Variants in DRAM1 observed in about 807,000 individuals in gnomAD.
The protein encoded by DRAM1 is DNA damage-regulated autophagy modulator protein 1.
In DRAM1, 25 loss-of-function variants were observed where a neutral mutation model predicts 28.5. That is an observed-to-expected ratio of 0.88 (90% CI 0.64 to 1.23). DRAM1 has a LOEUF of 1.23. DRAM1 is among the 50% of genes most tolerant of loss of function. DRAM1 has a pLI of 0.00. For missense variants in DRAM1, 249 were observed against 299.2 expected, an observed-to-expected ratio of 0.83 and a Z score of 1.24; for synonymous variants, 113 against 114.2, an observed-to-expected ratio of 0.99 and a Z score of 0.07.
chr12:101,879,548 TG>T (rs1430364825), intron 1 of DRAM1, among the ~76,000 whole-genome samples: 1 of 152,214 alleles, frequency 6.6e-6, no homozygotes, highest in Non-Finnish European at 1.5e-5. Context: ...CCCAGAGTGT[TG>T]GGATTACAGG....
At position 101,922,254 on chromosome 12, in the gene DRAM1, T is replaced by C. The variant is rs1316163463; in HGVS notation, c.*994T>C. The C allele has an allele frequency of 6.6e-6, 1 of 152,224 alleles. No homozygotes were observed. Among genetic ancestry groups the C allele is most frequent in the Non-Finnish European group, 1.5e-5 (1 of 68,040 alleles). 9.4% of individuals were successfully genotyped at this position (152,224 alleles called of 1,614,324 possible). A position where few individuals can be genotyped will look rare whatever the true frequency, so the allele number is the denominator to read the frequency against. ...CCCACAACACTATAAGAAATATAAGTCAAGCCCTTTGTGTTAAGCAAGAAC... is the reference window on the plus strand; with the variant it reads ...CCCACAACACTATAAGAAATATAAGCCAAGCCCTTTGTGTTAAGCAAGAAC... On this transcript the variant is annotated 3_prime_UTR_variant, in exon 7 of 7. Transcript: ENST00000258534.
At chr12:101,910,887 T>A (rs78231972) in intron 4 of DRAM1, among the ~76,000 whole-genome samples, 1 of 152,122 alleles carries the variant, frequency 6.6e-6, no homozygotes, top group Non-Finnish European at 1.5e-5. Flanking sequence ...CACGAAAAGA[T>A]CTTCTGTCTT....
chr12:101,884,553 A>G (rs916948074), intron 1 of DRAM1, among the ~76,000 whole-genome samples: 12 of 151,954 alleles, frequency 7.9e-5, no homozygotes, highest in African/African-American at 2.9e-4. Flanking sequence ...ATATTCTGTG[A>G]TCCTTTACTC....
chr12:101,916,692 A>G (rs1012485500), intron 5 of DRAM1, among the ~76,000 whole-genome samples: 5 of 152,210 alleles, frequency 3.3e-5, no homozygotes, highest in Admixed American at 3.3e-4. Flanking sequence ...GTGGAAGAAT[A>G]CCTCCAGCAA....
At chr12:101,889,536 G>GAAGGAAGGAAGA (rs1873023597) in intron 1 of DRAM1, among the ~76,000 whole-genome samples, 1 of 152,086 alleles carries the variant, frequency 6.6e-6, no homozygotes, top group Admixed American at 6.6e-5. Context: ...AGGAAGGAAG[G>GAAGGAAGGAAGA]AAAAGAAGGC....
chr12:101,892,174 G>A (rs1166708905), intron 1 of DRAM1, among the ~76,000 whole-genome samples: 1 of 151,590 alleles, frequency 6.6e-6, no homozygotes, highest in Non-Finnish European at 1.5e-5. Flanking sequence ...TATAAAATCA[G>A]ACGTGGAAAG....
intron 3 of DRAM1, among the ~76,000 whole-genome samples, chr12:101,905,644 C>A (rs1304371030): frequency 6.6e-6 from 1 of 152,004 alleles, no homozygotes; most frequent in East Asian, 1.9e-4. Context: ...GACTAGAGTG[C>A]AGTGGTGCTA....
In DRAM1 at chr12:101,877,748, C is replaced by T; in HGVS notation, c.-42C>T. 2 of 1,397,180 alleles carry T rather than the reference C, an allele frequency of 1.4e-6. No individual in the cohort carries two copies. The highest frequency in any genetic ancestry group is 1.6e-5 in the South Asian group (1 of 63,876). The allele number at this position is 1,397,180 out of a possible 1,614,324, so 86.5% of individuals were successfully genotyped here. The stretch of plus-strand genomic sequence containing the variant: ...CAGCCCGGAGCAACCCGGCGCCCGG[C>T]CCCGCTGGGCGCAGCACTCCGTCGG... On this transcript the variant is annotated 5_prime_UTR_variant, in exon 1 of 7. Transcript: ENST00000258534. This position sits in a 1 kb window ranked among gnomAD's most constrained non-coding sequence, Gnocchi z 4.1.
rs61082909 is a variant in DRAM1 at position 101,880,278 on chromosome 12, C to CTTTT, written c.131+2382_131+2385dup. ...ATCTTGCTGTGTCCTGCAATGCTTC[C>CTTTT]TTTTTTTTTTTTTTTTTTTTTTTTT... On this transcript the variant is annotated intron_variant, in intron 1 of 6. Coordinates refer to ENST00000258534, the MANE Select transcript of DRAM1 (RefSeq NM_018370.3). 2.6e-4 allele frequency among the ~76,000 whole-genome samples: 18 copies of CTTTT among 70,100 alleles called. 1 individual carries two copies. Among genetic ancestry groups the CTTTT allele is most frequent in the African/African-American group, 1.1e-3 (15 of 13,246 alleles). 46.0% of individuals were successfully genotyped at this position (70,100 alleles called of 152,430 possible).
intron 4 of DRAM1, among the ~76,000 whole-genome samples, chr12:101,909,470 A>G (rs1482743579): frequency 6.6e-6 from 1 of 152,158 alleles, no homozygotes; most frequent in Non-Finnish European, 1.5e-5. Flanking sequence ...GACACCAAAT[A>G]TTGATATTGT....
intron 1 of DRAM1, among the ~76,000 whole-genome samples, chr12:101,883,015 A>G (rs1872743990): frequency 6.6e-6 from 1 of 151,212 alleles, no homozygotes; most frequent in African/African-American, 2.4e-5. Flanking sequence ...GGATACTTCA[A>G]GTGAAAGCTC....
At chr12:101,899,379 T>A (rs1040390581) in intron 2 of DRAM1, among the ~76,000 whole-genome samples, 24 of 152,100 alleles carry the variant, frequency 1.6e-4, no homozygotes, top group African/African-American at 5.3e-4. Context: ...TTTGAAATAG[T>A]CTATGTGAGC....
chr12:101,903,956 CACACA>C (rs1873697463), intron 3 of DRAM1, among the ~76,000 whole-genome samples: 1 of 126,238 alleles, frequency 7.9e-6, no homozygotes, highest in African/African-American at 4.7e-5. Context: ...CACACACACA[CACACA>C]CCCCTATAAG....
At chr12:101,905,186 C>T (rs938024584) in intron 3 of DRAM1, among the ~76,000 whole-genome samples, 1 of 152,232 alleles carries the variant, frequency 6.6e-6, no homozygotes, top group Admixed American at 6.5e-5. Flanking sequence ...AAACACAAGC[C>T]ACCATACCCT....
chr12:101,885,313 T>C (rs1363250712), intron 1 of DRAM1, among the ~76,000 whole-genome samples: 1 of 152,180 alleles, frequency 6.6e-6, no homozygotes. Flanking sequence ...TTTTTGTTTG[T>C]TTTTGATAAA....
chr12:101,891,279 T>C (rs1316023817), intron 1 of DRAM1, among the ~76,000 whole-genome samples: 2 of 152,214 alleles, frequency 1.3e-5, no homozygotes, highest in Non-Finnish European at 2.9e-5. Flanking sequence ...AATTAGTGTA[T>C]GAGTTTGGAA....
chr12:101,920,282 TAA>T, intron 6 of DRAM1, 81 bp downstream of exon 6: 2 of 902,940 alleles, frequency 2.2e-6, no homozygotes, highest in Non-Finnish European at 3.3e-6. Flanking sequence ...TTTGCATTTT[TAA>T]AAAGAGCACT....
intron 1 of DRAM1, among the ~76,000 whole-genome samples, chr12:101,882,527 T>C (rs2121007201): frequency 6.6e-6 from 1 of 151,486 alleles, no homozygotes; most frequent in South Asian, 2.2e-4. Context: ...TACTTTCTCC[T>C]TGTAACATTG....
At chr12:101,895,989 C>T (rs1272518608) in intron 1 of DRAM1, among the ~76,000 whole-genome samples, 2 of 151,912 alleles carry the variant, frequency 1.3e-5, no homozygotes, top group African/African-American at 2.4e-5. Context: ...TGGGTTCAAG[C>T]GATTCTCCTG....
Sources: gnomAD v4.1 joint callset for allele counts (sites outside exome capture counted in the v4.1 genomes callset) on GRCh38, gnomAD v4.1.1 for gene constraint, Gnocchi (gnomAD v3.1) non-coding constraint, MANE v1.5 for transcripts, NCBI Gene and HGNC (gene_info 2026-07-23, HGNC 2026-07-21) for gene names.